NKAIN3: variants seen among roughly 807,000 people sequenced by gnomAD.
NKAIN3 encodes sodium/potassium transporting ATPase interacting 3, also known as sodium/potassium-transporting ATPase subunit beta-1-interacting protein 3.
NKAIN3 carries 25 observed loss-of-function variants against 30.2 expected under a neutral mutation model. The observed-to-expected ratio is 0.83, with a 90% CI of 0.60 to 1.16. The LOEUF is 1.16. NKAIN3 is among the 50% of genes most tolerant of loss of function. NKAIN3 has a pLI of 0.00. For missense variants in NKAIN3, 225 were observed against 254.1 expected, an observed-to-expected ratio of 0.89 and a Z score of 0.78; for synonymous variants, 91 against 89.6, an observed-to-expected ratio of 1.02 and a Z score of -0.09.
At chr8:62,394,373 ATAC>A (rs1220927905) in intron 1 of NKAIN3, among the ~76,000 whole-genome samples, 3 of 152,142 alleles carry the variant, frequency 2.0e-5, no homozygotes, top group African/African-American at 7.2e-5. Context: ...CATTTATATA[ATAC>A]TACATTTGTT....
chr8:62,285,106 C>G (rs1308852262), intron 1 of NKAIN3, among the ~76,000 whole-genome samples: 1 of 152,072 alleles, frequency 6.6e-6, no homozygotes, highest in Non-Finnish European at 1.5e-5. Context: ...ATCATAAAAC[C>G]AATCCTTTAA....
chr8:62,445,668 G>A lies in NKAIN3; in HGVS notation c.55-133871G>A, dbSNP rs983187831. Among the ~76,000 whole-genome samples the A allele has an allele frequency of 3.3e-5, 5 of 152,252 alleles. No homozygotes were observed. The South Asian group carries it at 1.0e-3, about 32-fold the overall frequency. ...GAATATAGTAGTAGAGATGGTGAGA[G>A]TTTCATTCTGTATTGGTCCTCTCTG... On this transcript the variant is annotated intron_variant, in intron 1 of 6. Coordinates refer to ENST00000623646, the MANE Select transcript of NKAIN3 (RefSeq NM_001304533.3).
At chr8:62,418,405 A>C (rs1382512780) in intron 1 of NKAIN3, among the ~76,000 whole-genome samples, 1 of 152,172 alleles carries the variant, frequency 6.6e-6, no homozygotes, top group African/African-American at 2.4e-5. Context: ...AAGTAAATCA[A>C]TTATTTTCAG....
intron 4 of NKAIN3, among the ~76,000 whole-genome samples, chr8:62,884,943 T>C (rs927081304): frequency 6.6e-6 from 1 of 152,144 alleles, no homozygotes; most frequent in African/African-American, 2.4e-5. Flanking sequence ...ATTAAACTTA[T>C]GGTTTGTTGA....
chr8:62,987,122 C>T (rs772229447), downstream of NKAIN3, among the ~76,000 whole-genome samples: 3 of 152,164 alleles, frequency 2.0e-5, no homozygotes, highest in Non-Finnish European at 4.4e-5. Flanking sequence ...TGTGGTAGCT[C>T]ATGCCTATAA....
At chr8:62,956,883 G>T (rs1027422748) in intron 6 of NKAIN3, among the ~76,000 whole-genome samples, 1 of 152,224 alleles carries the variant, frequency 6.6e-6, no homozygotes, top group Non-Finnish European at 1.5e-5. Flanking sequence ...AATTTTATGC[G>T]GGAGGGGGAA....
chr8:62,998,875 G>A (rs140388555), intron 5 of NKAIN3, among the ~76,000 whole-genome samples: 14 of 152,190 alleles, frequency 9.2e-5, no homozygotes, highest in Admixed American at 9.2e-4. Context: ...CTAGCAGTTA[G>A]TGATATCAGA....
At chr8:62,629,466 GCCTTCATGAAGTTATAATACAT>G (rs1811889278) in intron 3 of NKAIN3, among the ~76,000 whole-genome samples, 1 of 152,072 alleles carries the variant, frequency 6.6e-6, no homozygotes, top group East Asian at 1.9e-4. Context: ...CAATGCTCTT[GCCTTCATGAAGTTATAATACAT>G]CCATAGCAGC....
At chr8:62,411,978 T>G (rs975008131) in intron 1 of NKAIN3, among the ~76,000 whole-genome samples, 1 of 152,188 alleles carries the variant, frequency 6.6e-6, no homozygotes, top group African/African-American at 2.4e-5. Context: ...ATGGCCATAT[T>G]GCCCAAAACA....
chr8:62,675,167 G>T (rs943457508), intron 3 of NKAIN3, among the ~76,000 whole-genome samples: 1 of 152,096 alleles, frequency 6.6e-6, no homozygotes, highest in Non-Finnish European at 1.5e-5. Context: ...ATTATTACAT[G>T]CATTAATATA....
In NKAIN3 at chr8:62,734,311, G is replaced by A. The variant is rs114035596; in HGVS notation, c.274-12621G>A. ...CAAACAAACAAACAAAACTTTTTAT[G>A]TAATAATTCTAAAATCTAAAGTTGC... On this transcript the variant is annotated intron_variant, in intron 3 of 6. Transcript: ENST00000623646. 2.0e-4 allele frequency among the ~76,000 whole-genome samples: 30 copies of A among 152,228 alleles called. No individual in the cohort carries two copies. The East Asian group carries it at 3.5e-3, about 18-fold the overall frequency.
intron 1 of NKAIN3, among the ~76,000 whole-genome samples, chr8:62,382,885 T>C (rs545228946): frequency 1.3e-5 from 2 of 152,322 alleles, no homozygotes; most frequent in South Asian, 2.1e-4. Flanking sequence ...TGTGAAGTCA[T>C]GTGCAACATC....
chr8:62,801,769 G>A (rs1818072412), intron 4 of NKAIN3, among the ~76,000 whole-genome samples: 1 of 152,252 alleles, frequency 6.6e-6, no homozygotes, highest in Admixed American at 6.5e-5. Flanking sequence ...GCTGGACGGA[G>A]AATGACTTTG....
At chr8:62,660,565 A>G (rs762857503) in intron 3 of NKAIN3, among the ~76,000 whole-genome samples, 8 of 152,204 alleles carry the variant, frequency 5.3e-5, no homozygotes, top group Non-Finnish European at 1.2e-4. Context: ...GGAGAATATG[A>G]TACCAAAACT....
At chr8:62,710,723 A>G (rs1814686634) in intron 3 of NKAIN3, among the ~76,000 whole-genome samples, 1 of 152,142 alleles carries the variant, frequency 6.6e-6, no homozygotes, top group African/African-American at 2.4e-5. Context: ...ATTCAATGTT[A>G]GTATTAAAGT....
intron 1 of NKAIN3, among the ~76,000 whole-genome samples, chr8:62,488,626 A>C (rs2129601446): frequency 6.6e-6 from 1 of 152,352 alleles, no homozygotes; most frequent in Middle Eastern, 3.4e-3. Flanking sequence ...TTTTCAGTCC[A>C]TAAAAGACTT....
At chr8:62,291,057 T>C (rs1813605659) in intron 1 of NKAIN3, among the ~76,000 whole-genome samples, 1 of 152,174 alleles carries the variant, frequency 6.6e-6, no homozygotes, top group South Asian at 2.1e-4. Flanking sequence ...TGATGGTAGT[T>C]TGTATTTCTG....
chr8:62,906,208 A>G (rs188084142), intron 4 of NKAIN3, among the ~76,000 whole-genome samples: 212 of 152,358 alleles, frequency 1.4e-3, no homozygotes, highest in African/African-American at 4.9e-3. Flanking sequence ...CACCCATGGA[A>G]CAGTAATAGA....
intron 4 of NKAIN3, among the ~76,000 whole-genome samples, chr8:62,848,906 A>G (rs1255884041): frequency 1.3e-5 from 2 of 152,132 alleles, no homozygotes; most frequent in Non-Finnish European, 2.9e-5. Flanking sequence ...CCTTTTCTGC[A>G]TCTATTGAGA....
Sources: gnomAD v4.1 joint callset for allele counts (sites outside exome capture counted in the v4.1 genomes callset) on GRCh38, gnomAD v4.1.1 for gene constraint, MANE v1.5 for transcripts, NCBI Gene and HGNC (gene_info 2026-07-23, HGNC 2026-07-21) for gene names.